The following CEP89 variants were observed in gnomAD, a reference collection of about 807,000 sequenced individuals.
CEP89 encodes the protein centrosomal protein 89, also known as centrosomal protein of 89 kDa.
CEP89 carries 95 observed loss-of-function variants against 97.6 expected under a neutral mutation model. The observed-to-expected ratio is 0.97, with a 90% CI of 0.82 to 1.15. CEP89 has a LOEUF of 1.15. CEP89 is among the 50% of genes most tolerant of loss of function. The probability of loss-of-function intolerance (pLI) is 0.00; values close to 1 mark genes in which losing one functional copy is unlikely to be tolerated. For missense variants in CEP89, 869 were observed against 947.7 expected, an observed-to-expected ratio of 0.92 and a Z score of 1.09; for synonymous variants, 354 against 349.1, an observed-to-expected ratio of 1.01 and a Z score of -0.16.
chr19:32,945,739 G>A (rs1342188956), intron 5 of CEP89, among the ~76,000 whole-genome samples: 1 of 152,150 alleles, frequency 6.6e-6, no homozygotes, highest in East Asian at 1.9e-4. Flanking sequence ...CCAGGCTCAA[G>A]TAATCTTCCC....
At chr19:32,930,477 A>C (rs1032916625) in intron 9 of CEP89, among the ~76,000 whole-genome samples, 3 of 149,838 alleles carry the variant, frequency 2.0e-5, no homozygotes, top group Non-Finnish European at 4.5e-5. Flanking sequence ...GCTGTTATTA[A>C]AAAAAAAAAG....
In CEP89 at chr19:32,900,011, C is replaced by G; in HGVS notation, c.1734-13G>C. 6.2e-7 allele frequency: 1 copy of G among 1,613,520 alleles called. No individual in the cohort carries two copies. The highest frequency in any genetic ancestry group is 8.5e-7 in the Non-Finnish European group (1 of 1,179,722). On this transcript the variant is annotated splice_polypyrimidine_tract_variant and intron_variant, in intron 15 of 18. Coordinates refer to ENST00000305768, the MANE Select transcript of CEP89 (RefSeq NM_032816.5). ...CTTTTGAGATTTCCTAGAGAGTTAC[C>G]CCAAATGGTAGAATAAAAAGCCCAT... is the stretch of plus-strand genomic sequence containing the variant.
intron 15 of CEP89, among the ~76,000 whole-genome samples, chr19:32,900,246 A>ATTTTT (rs55730702): frequency 0.14 from 18,457 of 133,688 alleles, 1,669 homozygotes; most frequent in Non-Finnish European, 0.2. Context: ...GAATAGGTTC[A>ATTTTT]TTTTTTTTTT....
At chr19:32,908,655 G>C (rs898589882) in intron 14 of CEP89, among the ~76,000 whole-genome samples, 7 of 152,158 alleles carry the variant, frequency 4.6e-5, no homozygotes, top group African/African-American at 1.7e-4. Context: ...CACTTCGGAG[G>C]GCAAGGGAGC....
chr19:32,893,744 T>A (rs1039514600), intron 16 of CEP89, among the ~76,000 whole-genome samples: 3 of 152,116 alleles, frequency 2.0e-5, no homozygotes, highest in Non-Finnish European at 4.4e-5. Context: ...TACAAACATA[T>A]GAAAATTAAA....
chr19:32,882,751 C>T (rs1969310718), intron 17 of CEP89, among the ~76,000 whole-genome samples: 1 of 152,194 alleles, frequency 6.6e-6, no homozygotes, highest in African/African-American at 2.4e-5. Flanking sequence ...CAAGGGCTGT[C>T]ACTCTCTGTC....
At chr19:32,955,655 A>G (rs1011971311) in intron 3 of CEP89, among the ~76,000 whole-genome samples, 3 of 152,140 alleles carry the variant, frequency 2.0e-5, no homozygotes, top group Non-Finnish European at 4.4e-5. Context: ...CTGGGACTAC[A>G]GGCGCCTGCC....
intron 6 of CEP89, 133 bp downstream of exon 6, chr19:32,939,724 C>T (rs1038781810): frequency 7.7e-6 from 4 of 522,072 alleles, no homozygotes; most frequent in Non-Finnish European, 1.4e-5. Context: ...GGAAAGAACT[C>T]TTAAGGGAAG....
rs1166842243 is a variant in CEP89 at position 32,877,700 on chromosome 19, G to A, written c.*1462C>T. The stretch of plus-strand genomic sequence containing the variant: ...CCCAACACTTTGGGAGGCCTAGGCA[G>A]GAGGATTGCTTGAAGCTAGACGTTT... On this transcript the variant is annotated 3_prime_UTR_variant, in exon 19 of 19. Transcript: ENST00000305768. 1 of 152,160 alleles carries A rather than the reference G, an allele frequency of 6.6e-6. No individual in the cohort carries two copies. Among genetic ancestry groups the A allele is most frequent in the African/African-American group, 2.4e-5 (1 of 41,400 alleles). 9.4% of individuals were successfully genotyped at this position (152,160 alleles called of 1,614,324 possible).
At chr19:32,886,809 G>T (rs1177916445) in intron 17 of CEP89, among the ~76,000 whole-genome samples, 1 of 150,832 alleles carries the variant, frequency 6.6e-6, no homozygotes, top group African/African-American at 2.4e-5. Context: ...ATACTTCCAT[G>T]CCGAGTCCCC....
rs564662597 is a variant in CEP89 at position 32,882,561 on chromosome 19, C to CAA, written c.1966-550_1966-549dup. Among the ~76,000 whole-genome samples the CAA allele has an allele frequency of 4.8e-3, 436 of 91,554 alleles. 3 individuals carry two copies. The highest frequency in any genetic ancestry group is 0.015 in the African/African-American group (408 of 27,720). The allele number at this position is 91,554 out of a possible 152,430, so 60.1% of individuals were successfully genotyped here. On this transcript the variant is annotated intron_variant, in intron 17 of 18. Coordinates refer to ENST00000305768, the MANE Select transcript of CEP89 (RefSeq NM_032816.5). ...TGGGTGACACAGTGAGACCCTGTCT[C>CAA]AAAAAAAAAAAAAAAAAATTACCAT...
intron 16 of CEP89, among the ~76,000 whole-genome samples, chr19:32,895,231 T>C (rs1023560968): frequency 6.6e-6 from 1 of 151,906 alleles, no homozygotes; most frequent in African/African-American, 2.4e-5. Flanking sequence ...CTCAACAAAA[T>C]ACTAGCAAAC....
intron 10 of CEP89, 45 bp downstream of exon 10, chr19:32,926,889 T>G: frequency 6.4e-7 from 1 of 1,567,908 alleles, no homozygotes; most frequent in Non-Finnish European, 8.8e-7. Context: ...GCTATGCAAA[T>G]ATACCCTGAA....
intron 10 of CEP89, 64 bp from the exon 11 acceptor site, chr19:32,926,337 T>C: frequency 8.7e-7 from 1 of 1,151,240 alleles, no homozygotes; most frequent in Admixed American, 2.0e-5. Flanking sequence ...CAGAAAATTT[T>C]TAAATGGCAA....
At chr19:32,959,594 T>G (rs1437880559) in intron 3 of CEP89, among the ~76,000 whole-genome samples, 1 of 152,222 alleles carries the variant, frequency 6.6e-6, no homozygotes, top group African/African-American at 2.4e-5. Flanking sequence ...GAAGCAGCGC[T>G]GAATTCATTA....
chr19:32,894,941 A>G (rs925946919), intron 16 of CEP89, among the ~76,000 whole-genome samples: 2 of 152,192 alleles, frequency 1.3e-5, no homozygotes, highest in Non-Finnish European at 1.5e-5. Context: ...GAAATAGAAA[A>G]CTTGAACAGA....
intron 14 of CEP89, among the ~76,000 whole-genome samples, chr19:32,905,943 C>T (rs1969878870): frequency 6.6e-6 from 1 of 152,122 alleles, no homozygotes; most frequent in South Asian, 2.1e-4. Flanking sequence ...TGGTCTTGAA[C>T]CTCTGGACTG....
At chr19:32,888,585 A>G (rs75258858) in intron 16 of CEP89, among the ~76,000 whole-genome samples, 9,149 of 151,646 alleles carry the variant, frequency 0.06, 862 homozygotes, top group African/African-American at 0.2. Flanking sequence ...CAAGAGGCTG[A>G]GGCACGAGAA....
chr19:32,958,298 G>A (rs1300403633), intron 3 of CEP89, among the ~76,000 whole-genome samples: 1 of 151,788 alleles, frequency 6.6e-6, no homozygotes, highest in East Asian at 1.9e-4. Context: ...TAGTAGGAAG[G>A]GTCTTACTAA....
Sources: allele counts gnomAD v4.1 joint callset (sites outside exome capture counted in the v4.1 genomes callset), GRCh38; gene constraint gnomAD v4.1.1; transcripts MANE v1.5; gene names NCBI Gene and HGNC (gene_info 2026-07-23, HGNC 2026-07-21).